Variants in ZNF804B observed in about 807,000 individuals in gnomAD.
The protein encoded by ZNF804B is zinc finger 804B.
Under a neutral mutation model 101.4 loss-of-function variants are expected in ZNF804B, and 80 were observed. That is an observed-to-expected ratio of 0.79 (90% confidence interval 0.66 to 0.95). The LOEUF (loss-of-function observed/expected upper bound fraction) is 0.95. Among genes scored for constraint, ZNF804B ranks in the 40% least tolerant of loss-of-function variants. The pLI is 0.00. For missense variants in ZNF804B, 1,673 were observed against 1,561.9 expected, an observed-to-expected ratio of 1.07 and a Z score of -1.20; for synonymous variants, 622 against 558.8, an observed-to-expected ratio of 1.11 and a Z score of -1.59.
chr7:89,287,254 A>G (rs1437876469), intron 2 of ZNF804B, among the ~76,000 whole-genome samples: 2 of 152,172 alleles, frequency 1.3e-5, no homozygotes, highest in African/African-American at 4.8e-5. Context: ...TATACTCAGC[A>G]TGGGGTTGGT....
At chr7:89,194,390 G>A (rs1409297878) in intron 1 of ZNF804B, among the ~76,000 whole-genome samples, 2 of 150,650 alleles carry the variant, frequency 1.3e-5, no homozygotes, top group African/African-American at 4.9e-5. Flanking sequence ...CCTTGCCCAT[G>A]CCTATGTCCT....
intron 2 of ZNF804B, among the ~76,000 whole-genome samples, chr7:89,251,276 A>G (rs1338437378): frequency 1.3e-5 from 2 of 152,302 alleles, no homozygotes; most frequent in East Asian, 3.9e-4. Context: ...ACATAAATTA[A>G]CAGCACTTCT....
intron 1 of ZNF804B, among the ~76,000 whole-genome samples, chr7:88,913,028 C>T (rs902288140): frequency 2.6e-5 from 4 of 152,018 alleles, no homozygotes; most frequent in East Asian, 1.9e-4. Flanking sequence ...TAAGGTTTTT[C>T]GAAATGTCAA....
intron 2 of ZNF804B, among the ~76,000 whole-genome samples, chr7:89,258,461 A>G (rs1789667203): frequency 6.6e-6 from 1 of 152,196 alleles, no homozygotes; most frequent in Admixed American, 6.5e-5. Flanking sequence ...GAATTATAAC[A>G]AAATAATTTA....
chr7:88,977,124 A>G (rs143104707), intron 1 of ZNF804B, among the ~76,000 whole-genome samples: 1 of 151,656 alleles, frequency 6.6e-6, no homozygotes, highest in East Asian at 2.0e-4. Flanking sequence ...GTGTTATTGA[A>G]TTTGGTTTGC....
chr7:88,907,616 G>A (rs1481401658), intron 1 of ZNF804B, among the ~76,000 whole-genome samples: 5 of 151,870 alleles, frequency 3.3e-5, no homozygotes, highest in Non-Finnish European at 7.4e-5. Flanking sequence ...ACTGAAGCAC[G>A]GACTAACTAA....
chr7:88,896,725 A>C (rs973078528), intron 1 of ZNF804B, among the ~76,000 whole-genome samples: 1 of 152,170 alleles, frequency 6.6e-6, no homozygotes, highest in African/African-American at 2.4e-5. Flanking sequence ...TTGGAATGCT[A>C]AAGCTATAAT....
At chr7:89,302,365 T>A (rs1454413092) in intron 2 of ZNF804B, among the ~76,000 whole-genome samples, 1 of 151,894 alleles carries the variant, frequency 6.6e-6, no homozygotes, top group Non-Finnish European at 1.5e-5. Context: ...GGATGGACCC[T>A]TGGTGTTAGT....
At chr7:89,145,154 T>C (rs1790774288) in intron 1 of ZNF804B, among the ~76,000 whole-genome samples, 1 of 151,804 alleles carries the variant, frequency 6.6e-6, no homozygotes, top group East Asian at 1.9e-4. Flanking sequence ...TGATATAAAC[T>C]ACAACAAATA....
In ZNF804B at chr7:89,337,989, G is replaced by A. The variant is rs1413887880; in HGVS notation, c.*957G>A. On this transcript the variant is annotated 3_prime_UTR_variant, in exon 4 of 4. Transcript: ENST00000333190. ...GGATATCTTATTAAATATCTGGTGT[G>A]TTTTATTCAATTGTACTAGATATTT... Among the ~76,000 whole-genome samples the A allele has an allele frequency of 6.6e-6, 1 of 151,916 alleles. No individual in the cohort carries two copies. Among genetic ancestry groups the A allele is most frequent in the South Asian group, 2.1e-4 (1 of 4,824 alleles).
intron 1 of ZNF804B, among the ~76,000 whole-genome samples, chr7:88,870,214 G>T (rs1021822213): frequency 6.6e-6 from 1 of 150,396 alleles, no homozygotes; most frequent in African/African-American, 2.5e-5. Context: ...GTGAAACCCC[G>T]TCTCTACTAA....
At chr7:88,949,872 G>A (rs958012474) in intron 1 of ZNF804B, among the ~76,000 whole-genome samples, 1 of 151,920 alleles carries the variant, frequency 6.6e-6, no homozygotes, top group African/African-American at 2.4e-5. Context: ...TGTAGCCTAG[G>A]AGCGGTAGGC....
At chr7:88,960,306 A>G (rs992550211) in intron 1 of ZNF804B, among the ~76,000 whole-genome samples, 6 of 151,376 alleles carry the variant, frequency 4.0e-5, no homozygotes, top group African/African-American at 1.5e-4. Flanking sequence ...TGGCAGATGG[A>G]GAAGTGGTAA....
intron 1 of ZNF804B, among the ~76,000 whole-genome samples, chr7:89,048,834 T>C (rs967383243): frequency 6.6e-5 from 10 of 151,936 alleles, no homozygotes; most frequent in Non-Finnish European, 1.3e-4. Flanking sequence ...TCTCTTCTTA[T>C]GAATTTTATG....
At position 88,759,761 on chromosome 7, in the gene ZNF804B, T is replaced by TCGC; in HGVS notation, c.-205_-203dup. The TCGC allele has an allele frequency of 1.7e-6, 1 of 580,756 alleles. No individual in the cohort carries two copies. Among genetic ancestry groups the TCGC allele is most frequent in the Non-Finnish European group, 3.1e-6 (1 of 324,798 alleles). 36.0% of individuals were successfully genotyped at this position (580,756 alleles called of 1,614,324 possible). A position where few individuals can be genotyped will look rare whatever the true frequency, so the allele number is the denominator to read the frequency against. On this transcript the variant is annotated 5_prime_UTR_variant, in exon 1 of 4. Transcript: ENST00000333190. ...CGGGTCCCCTCCGTGCTCTGTGCTG[T>TCGC]CGCCGCCGCCGCCTCTGTCAGAGCA...
chr7:88,953,106 T>G (rs1793249812), intron 1 of ZNF804B, among the ~76,000 whole-genome samples: 1 of 151,788 alleles, frequency 6.6e-6, no homozygotes, highest in Admixed American at 6.6e-5. Flanking sequence ...TCTCCTAATT[T>G]TTTATTTCCT....
intron 1 of ZNF804B, among the ~76,000 whole-genome samples, chr7:88,865,101 G>C (rs1309759911): frequency 1.3e-5 from 2 of 151,872 alleles, no homozygotes; most frequent in African/African-American, 4.8e-5. Flanking sequence ...GGTGACCCAT[G>C]CCTGTAATCC....
intron 1 of ZNF804B, among the ~76,000 whole-genome samples, chr7:89,128,860 A>G (rs1790507896): frequency 6.6e-6 from 1 of 152,026 alleles, no homozygotes; most frequent in Non-Finnish European, 1.5e-5. Context: ...AGACCCTGAT[A>G]CACGTAAAAT....
intron 2 of ZNF804B, among the ~76,000 whole-genome samples, chr7:89,277,263 T>C: frequency 6.6e-6 from 1 of 150,398 alleles, no homozygotes; most frequent in East Asian, 1.9e-4. Context: ...ATTTAGCTTA[T>C]TAGTCATATC....
Sources: gnomAD v4.1 joint callset for allele counts (sites outside exome capture counted in the v4.1 genomes callset) on GRCh38, gnomAD v4.1.1 for gene constraint, MANE v1.5 for transcripts, NCBI Gene and HGNC (gene_info 2026-07-23, HGNC 2026-07-21) for gene names.